CCDC138: variants seen among roughly 807,000 people sequenced by gnomAD.
The protein encoded by CCDC138 is coiled-coil domain containing 138, also known as coiled-coil domain-containing protein 138.
CCDC138 carries 66 observed loss-of-function variants against 82.3 expected under a neutral mutation model. That is an observed-to-expected ratio of 0.80 (90% CI 0.66 to 0.98). The LOEUF is 0.98. Ranked by LOEUF, CCDC138 falls within the 50% of genes least tolerant of loss-of-function variation. The pLI is 0.00. For missense variants in CCDC138, 816 were observed against 758.9 expected (o/e 1.08, Z -0.88); for synonymous variants, 297 against 265.4 (o/e 1.12, Z -1.16).
rs550488654 is a variant in CCDC138, at chr2:108,812,500, T to G, written c.856-131T>G. 476 of 658,728 alleles carry G rather than the reference T, an allele frequency of 7.2e-4. 1 individual carries two copies. The highest frequency in any genetic ancestry group is 9.6e-4 in the Non-Finnish European group (359 of 373,822). The allele number at this position is 658,728 out of a possible 1,614,324, so 40.8% of individuals were successfully genotyped here. A position where few individuals can be genotyped will look rare whatever the true frequency, so the allele number is the denominator to read the frequency against. ...CAACTTCAGTTGTGATCTAAGTTAATCATGAATGCTGTCTCTGTTTTGTTA... is the reference window on the plus strand; with the variant it reads ...CAACTTCAGTTGTGATCTAAGTTAAGCATGAATGCTGTCTCTGTTTTGTTA... On this transcript the variant is annotated intron_variant, in intron 7 of 14. Coordinates refer to ENST00000295124, the MANE Select transcript of CCDC138 (RefSeq NM_144978.3).
chr2:108,825,334 G>A (rs1203304786), intron 10 of CCDC138, among the ~76,000 whole-genome samples: 1 of 151,858 alleles, frequency 6.6e-6, no homozygotes, highest in South Asian at 2.1e-4. Context: ...TATACAAGTA[G>A]CATTTTAACT....
chr2:108,795,563 G>A (rs890591175), intron 5 of CCDC138, among the ~76,000 whole-genome samples: 12 of 152,212 alleles, frequency 7.9e-5, no homozygotes, highest in African/African-American at 2.9e-4. Context: ...GGAAACACAT[G>A]AAATAGTTAA....
intron 10 of CCDC138, among the ~76,000 whole-genome samples, chr2:108,830,053 A>T (rs188767721): frequency 1.2e-3 from 179 of 152,314 alleles, no homozygotes; most frequent in Non-Finnish European, 1.5e-3. Context: ...GATAAACAAG[A>T]TGTGGTATAT....
chr2:108,866,697 A>C (rs559740530), intron 13 of CCDC138, among the ~76,000 whole-genome samples: 2 of 152,292 alleles, frequency 1.3e-5, no homozygotes, highest in South Asian at 4.1e-4. Flanking sequence ...AGCCTAGCCA[A>C]GATAGTGAAA....
At chr2:108,883,475 C>T (rs1356973585) in intron 2 of CCDC138, 1 of 152,280 alleles carries the variant, frequency 6.6e-6, no homozygotes, top group East Asian at 1.9e-4. Context: ...CAGACATAAC[C>T]AGCAAGGGCA....
intron 12 of CCDC138, among the ~76,000 whole-genome samples, chr2:108,849,599 C>A (rs1691097561): frequency 6.6e-6 from 1 of 152,186 alleles, no homozygotes; most frequent in East Asian, 1.9e-4. Context: ...ACGATTCTTT[C>A]TCACAAGGTT....
chr2:108,812,644 G>C lies in CCDC138; in HGVS notation c.869G>C (p.Ser290Thr). ...DTLKKQLNEA[S>T]EENRKIDIQA... ...TCTACCCTTTAGTTAAATGAAGCAA[G>C]TGAAGAAAACAGGAAGATAGACATT... Residue 290 changes from serine (S) to threonine (T), a missense_variant, in exon 8 of 15, where the codon AGT (serine) becomes ACT (threonine). By Grantham distance (58) the Ser-to-Thr change is moderately conservative (BLOSUM62 1). Coordinates refer to ENST00000295124, the MANE Select transcript of CCDC138 (RefSeq NM_144978.3). 6.2e-7 allele frequency: 1 copy of C among 1,612,292 alleles called. No individual in the cohort carries two copies. Among genetic ancestry groups the C allele is most frequent in the Non-Finnish European group, 8.5e-7 (1 of 1,178,460 alleles).
At chr2:108,791,392 CAAAAT>C (rs1020362758) in intron 3 of CCDC138, among the ~76,000 whole-genome samples, 3 of 151,982 alleles carry the variant, frequency 2.0e-5, no homozygotes, top group Admixed American at 6.6e-5. Flanking sequence ...TATTGGGAGT[CAAAAT>C]AAAGTGTTCC....
In CCDC138 at chr2:108,790,215, A is replaced by C. The variant is rs540845494; in HGVS notation, c.266+1249A>C. Among the ~76,000 whole-genome samples the C allele has an allele frequency of 3.3e-5, 5 of 152,334 alleles. No individual in the cohort carries two copies. In the East Asian group the frequency reaches 7.7e-4, roughly 23 times the overall value. On this transcript the variant is annotated intron_variant, in intron 3 of 14. Transcript: ENST00000295124. ...GTTGATCTAGATTTAGGATTTAGAC[A>C]TGAGCTACGTTGAATGTAGGGTAAG... is the stretch of plus-strand genomic sequence containing the variant.
intron 13 of CCDC138, among the ~76,000 whole-genome samples, chr2:108,862,077 G>GTTT (rs71383810): frequency 1.6e-4 from 22 of 141,356 alleles, no homozygotes; most frequent in Non-Finnish European, 2.3e-4. Context: ...TATGATTTCA[G>GTTT]TTTTTTTTTT....
intron 3 of CCDC138, chr2:108,791,407 C>T: frequency 2.3e-6 from 1 of 433,606 alleles, no homozygotes. Flanking sequence ...TAAAGTGTTC[C>T]TTAGCTGTAG....
chr2:108,840,627 C>T (rs1175334437), intron 11 of CCDC138, among the ~76,000 whole-genome samples: 2 of 152,038 alleles, frequency 1.3e-5, no homozygotes, highest in Non-Finnish European at 2.9e-5. Context: ...TCATAGTATT[C>T]TCTTATCCTT....
chr2:108,853,890 A>ATAT (rs1558737016), intron 12 of CCDC138, among the ~76,000 whole-genome samples: 27 of 123,882 alleles, frequency 2.2e-4, no homozygotes, highest in African/African-American at 8.6e-4. Context: ...TATATTATAT[A>ATAT]GTATATATAT....
At chr2:108,864,381 G>T (rs113650078) in intron 13 of CCDC138, among the ~76,000 whole-genome samples, 3 of 152,152 alleles carry the variant, frequency 2.0e-5, no homozygotes, top group African/African-American at 7.2e-5. Context: ...ACACATTCAA[G>T]GCCAGTTGTG....
At chr2:108,850,986 T>A (rs898650965) in intron 12 of CCDC138, among the ~76,000 whole-genome samples, 18 of 152,188 alleles carry the variant, frequency 1.2e-4, no homozygotes, top group African/African-American at 4.3e-4. Flanking sequence ...TCTCCAAGGC[T>A]GCCTCGTGCC....
chr2:108,849,095 A>G (rs1041355171), intron 12 of CCDC138, among the ~76,000 whole-genome samples: 5 of 152,220 alleles, frequency 3.3e-5, no homozygotes, highest in Non-Finnish European at 7.3e-5. Context: ...ATTTAAAAAT[A>G]CACTGGAGAG....
Position 108,876,122 on chromosome 2 carries a change from C to T in CCDC138, c.1867C>T (p.His623Tyr). Residue 623 changes from histidine to tyrosine, a missense_variant, in exon 15 of 15, where the codon CAT (histidine) becomes TAT (tyrosine). Transcript: ENST00000295124. The part of the protein sequence containing the change: ...NKKLFELFTI[H>Y]LMLQEIQRTT... ...GAAGCTCTTTGAACTTTTTACGATT[C>T]ATCTGATGCTTCAAGAAATACAAAG... is the stretch of plus-strand genomic sequence containing the variant. 1 of 1,603,938 alleles carries T rather than the reference C, an allele frequency of 6.2e-7. No individual in the cohort carries two copies. Among genetic ancestry groups the T allele is most frequent in the Non-Finnish European group, 8.5e-7 (1 of 1,171,272 alleles).
intron 11 of CCDC138, among the ~76,000 whole-genome samples, chr2:108,843,876 G>GTGTGTGTGTGTGTGTGTGTGTT (rs1187530203): frequency 2.4e-3 from 33 of 13,878 alleles, no homozygotes; most frequent in East Asian, 6.2e-3. Flanking sequence ...GTGTGTGTGT[G>GTGTGTGTGTGTGTGTGTGTGTT]TGTTTCTTTC....
At chr2:108,867,769 A>T (rs1448181339) in intron 13 of CCDC138, among the ~76,000 whole-genome samples, 1 of 152,120 alleles carries the variant, frequency 6.6e-6, no homozygotes. Context: ...TGGGCAACTG[A>T]AGGTTTTTGG....
Sources: allele counts gnomAD v4.1 joint callset (sites outside exome capture counted in the v4.1 genomes callset), GRCh38; gene constraint gnomAD v4.1.1; transcripts MANE v1.5; gene names NCBI Gene and HGNC (gene_info 2026-07-23, HGNC 2026-07-21).